Variants in KCNQ1 observed in about 807,000 individuals in gnomAD.
KCNQ1 encodes potassium voltage-gated channel subfamily Q member 1, also known as potassium voltage-gated channel subfamily KQT member 1.
Under a neutral mutation model 72.4 loss-of-function variants are expected in KCNQ1, and 49 were observed. That is an observed-to-expected ratio of 0.68 (90% CI 0.54 to 0.86). KCNQ1 has a LOEUF of 0.86. Among genes scored for constraint, KCNQ1 ranks in the 40% least tolerant of loss-of-function variants. KCNQ1 has a pLI of 0.00. For synonymous variants in KCNQ1, 450 were observed against 412.6 expected, an observed-to-expected ratio of 1.09 and a Z score of -1.10; for missense variants, 790 against 945.1, an observed-to-expected ratio of 0.84 and a Z score of 2.15.
intron 1 of KCNQ1, among the ~76,000 whole-genome samples, chr11:2,460,964 G>A (rs1265711927): frequency 6.6e-6 from 1 of 152,168 alleles, no homozygotes; most frequent in East Asian, 1.9e-4. Flanking sequence ...CCCCTGTCCT[G>A]GGTGGTACTG....
intron 11 of KCNQ1, among the ~76,000 whole-genome samples, chr11:2,737,488 G>C (rs1845976956): frequency 6.6e-6 from 1 of 152,234 alleles, no homozygotes; most frequent in Non-Finnish European, 1.5e-5. Context: ...CTGACTCACA[G>C]AGCAATAAAA....
rs1216464725 is a variant in KCNQ1 at position 2,827,147 on chromosome 11, G to GACA, written c.1795-20620_1795-20619insACA. Reference sequence around the variant, plus strand: ...AGTCACCTCGTGTTGCTGTCCCCCAGGTAGGAGATAAGGGACCAGAGTCAG... The same window carrying GACA: ...AGTCACCTCGTGTTGCTGTCCCCCAGACAGTAGGAGATAAGGGACCAGAGTCAG... On this transcript the variant is annotated intron_variant, in intron 15 of 15. Transcript: ENST00000155840. The surrounding 1 kb of genome is among the most constrained non-coding windows in gnomAD (Gnocchi z 6.7). Among the ~76,000 whole-genome samples the GACA allele has an allele frequency of 9.2e-5, 14 of 152,194 alleles. No individual in the cohort carries two copies. Among genetic ancestry groups the GACA allele is most frequent in the Admixed American group, 9.2e-4 (14 of 15,286 alleles).
chr11:2,514,110 G>GGCCCTCCACGGAGTGGGAGAT (rs1847250929), intron 1 of KCNQ1, among the ~76,000 whole-genome samples: 1 of 152,170 alleles, frequency 6.6e-6, no homozygotes, highest in South Asian at 2.1e-4. Flanking sequence ...CTCCTGGCTT[G>GGCCCTCCACGGAGTGGGAGAT]GCCCTCCACG....
rs555540631 is a variant in KCNQ1 at position 2,732,298 on chromosome 11, A to G, written c.1515-36546A>G. Among the ~76,000 whole-genome samples the G allele has an allele frequency of 2.6e-5, 4 of 152,294 alleles. 1 individual carries two copies. The highest frequency in any genetic ancestry group is 4.1e-4 in the South Asian group (2 of 4,828). On this transcript the variant is annotated intron_variant, in intron 11 of 15. Transcript: ENST00000155840. ...CTTGGCATCCCCCAATATCCAAACAATAGTCCACAAAACAAGCTGCCCCGT... is the reference window on the plus strand; with the variant it reads ...CTTGGCATCCCCCAATATCCAAACAGTAGTCCACAAAACAAGCTGCCCCGT...
chr11:2,718,667 T>C (rs1851143147), intron 11 of KCNQ1, among the ~76,000 whole-genome samples: 1 of 152,200 alleles, frequency 6.6e-6, no homozygotes, highest in African/African-American at 2.4e-5. Flanking sequence ...CCGTACTAGA[T>C]GACCTGGGCT....
In KCNQ1 at chr11:2,603,571, C is replaced by T. The variant is rs1212712134; in HGVS notation, c.1393+14717C>T. 1.3e-5 allele frequency among the ~76,000 whole-genome samples: 2 copies of T among 152,108 alleles called. No homozygotes were observed. The highest frequency in any genetic ancestry group is 2.9e-5 in the Non-Finnish European group (2 of 68,024). The stretch of plus-strand genomic sequence containing the variant: ...CCCTCAGCCCTAGGCAATAACTAAT[C>T]TTTCTCTCTATGGGTTTGCCTATTC... On this transcript the variant is annotated intron_variant, in intron 10 of 15. Coordinates refer to ENST00000155840, the MANE Select transcript of KCNQ1 (RefSeq NM_000218.3). This position sits in a 1 kb window ranked among gnomAD's most constrained non-coding sequence, Gnocchi z 4.1.
intron 15 of KCNQ1, among the ~76,000 whole-genome samples, chr11:2,842,079 C>T (rs1181762795): frequency 6.6e-6 from 1 of 152,156 alleles, no homozygotes; most frequent in African/African-American, 2.4e-5. Context: ...TCTGGCTGCT[C>T]GGCAGACAAC....
chr11:2,718,944 G>A (rs1252348929), intron 11 of KCNQ1, among the ~76,000 whole-genome samples: 1 of 152,240 alleles, frequency 6.6e-6, no homozygotes, highest in Non-Finnish European at 1.5e-5. Context: ...AGATTCCTGG[G>A]CTATTCCAAG....
intron 11 of KCNQ1, among the ~76,000 whole-genome samples, chr11:2,736,466 T>C (rs1181013060): frequency 6.6e-6 from 1 of 152,118 alleles, no homozygotes; most frequent in South Asian, 2.1e-4. Context: ...CCTCTGGGGT[T>C]AGACGGTGGC....
At position 2,450,571 on chromosome 11, in the gene KCNQ1, G is replaced by A. The variant is rs1444050212; in HGVS notation, c.386+5087G>A. Among the ~76,000 whole-genome samples the A allele has an allele frequency of 1.3e-5, 2 of 152,024 alleles. No individual in the cohort carries two copies. Among genetic ancestry groups the A allele is most frequent in the African/African-American group, 2.4e-5 (1 of 41,378 alleles). The stretch of plus-strand genomic sequence containing the variant: ...TGTCACTGTGGGTCACTCCAGCCCC[G>A]GATGCTCCTACACCATGCTCTGCTT... On this transcript the variant is annotated intron_variant, in intron 1 of 15. Transcript: ENST00000155840. This position sits in a 1 kb window ranked among gnomAD's most constrained non-coding sequence, Gnocchi z 7.9.
intron 1 of KCNQ1, among the ~76,000 whole-genome samples, chr11:2,460,466 CCTGGCCTCCA>C (rs1846259888): frequency 6.6e-6 from 1 of 152,188 alleles, no homozygotes; most frequent in African/African-American, 2.4e-5. Flanking sequence ...AGCTCAAGGC[CCTGGCCTCCA>C]CAGGCCTCCT....
At chr11:2,487,987 A>C (rs760540976) in intron 1 of KCNQ1, among the ~76,000 whole-genome samples, 8 of 152,086 alleles carry the variant, frequency 5.3e-5, no homozygotes, top group Non-Finnish European at 7.4e-5. Context: ...CATCATTATG[A>C]TGTTAGCTGT....
In KCNQ1 at chr11:2,818,232, T is replaced by G. The variant is rs1045529740; in HGVS notation, c.1795-29535T>G. Among the ~76,000 whole-genome samples, 20 of 152,186 alleles carry G rather than the reference T, an allele frequency of 1.3e-4. No homozygotes were observed. The highest frequency in any genetic ancestry group is 1.2e-3 in the Admixed American group (18 of 15,298). On this transcript the variant is annotated intron_variant, in intron 15 of 15. Transcript: ENST00000155840. The surrounding 1 kb of genome is among the most constrained non-coding windows in gnomAD (Gnocchi z 7.2). ...CTCAGTGTCAGGTGACCCAAGAGTG[T>G]GGGGGTCAGGAATGGCGTCCTTGTG...
intron 11 of KCNQ1, chr11:2,694,378 T>C (rs1325796825): frequency 7.5e-6 from 3 of 398,536 alleles, no homozygotes; most frequent in Admixed American, 8.8e-5. Flanking sequence ...TTGGCTATCA[T>C]GACTATGGGA....
chr11:2,489,669 A>C (rs950307400), intron 1 of KCNQ1, among the ~76,000 whole-genome samples: 2 of 152,218 alleles, frequency 1.3e-5, no homozygotes, highest in African/African-American at 4.8e-5. Context: ...ATTGTCTTGC[A>C]TCTTGGATAC....
chr11:2,696,467 C>A, intron 11 of KCNQ1: 1 of 398,688 alleles, frequency 2.5e-6, no homozygotes, highest in Non-Finnish European at 4.4e-6. Context: ...GCTCTGATTG[C>A]TGAAGTTGGC....
intron 13 of KCNQ1, 71 bp from the exon 14 acceptor site, chr11:2,776,915 C>T: frequency 6.8e-7 from 1 of 1,461,146 alleles, no homozygotes; most frequent in Non-Finnish European, 9.6e-7. Flanking sequence ...AGCTGTCTGT[C>T]CCACAGACGA....
intron 15 of KCNQ1, among the ~76,000 whole-genome samples, chr11:2,820,243 C>T (rs765388175): frequency 1.3e-5 from 2 of 152,226 alleles, no homozygotes; most frequent in Non-Finnish European, 1.5e-5. Context: ...AAGCATCCCA[C>T]ACTCTTGGCA....
chr11:2,603,275 T>C lies in KCNQ1; in HGVS notation c.1393+14421T>C, dbSNP rs543274799. Among the ~76,000 whole-genome samples the C allele has an allele frequency of 6.6e-6, 1 of 152,330 alleles. No individual in the cohort carries two copies. Among genetic ancestry groups the C allele is most frequent in the African/African-American group, 2.4e-5 (1 of 41,572 alleles). On this transcript the variant is annotated intron_variant, in intron 10 of 15. Transcript: ENST00000155840. This position sits in a 1 kb window ranked among gnomAD's most constrained non-coding sequence, Gnocchi z 4.1. The stretch of plus-strand genomic sequence containing the variant: ...TAAGAAAACAATGTGCCTACCTTAA[T>C]TGAAAGACACTTTATTGCTAAAAAA...
Sources: gnomAD v4.1 joint callset for allele counts (sites outside exome capture counted in the v4.1 genomes callset) on GRCh38, gnomAD v4.1.1 for gene constraint, Gnocchi (gnomAD v3.1) non-coding constraint, MANE v1.5 for transcripts, NCBI Gene and HGNC (gene_info 2026-07-23, HGNC 2026-07-21) for gene names.